POP4: variants seen among roughly 807,000 people sequenced by gnomAD.
The protein encoded by POP4 is ribonuclease P protein subunit p29.
A neutral mutation model predicts 29.9 loss-of-function variants in POP4; 31 were observed. The observed-to-expected ratio is 1.04, with a 90% CI of 0.78 to 1.40. POP4 has a LOEUF of 1.40. POP4 is among the 40% of genes most tolerant of loss of function. The pLI is 0.00. For synonymous variants in POP4, 110 were observed against 108.2 expected (o/e 1.02, Z -0.10); for missense variants, 286 against 282.7 (o/e 1.01, Z -0.08).
At chr19:29,606,580 G>A in intron 1 of POP4, 1 of 422,602 alleles carries the variant, frequency 2.4e-6, no homozygotes, top group African/African-American at 2.0e-5. Context: ...CGATGCTAGA[G>A]GAGGGTTCCA....
In POP4 at chr19:29,606,284, G is replaced by A; in HGVS notation, c.-35G>A. On this transcript the variant is annotated 5_prime_UTR_variant, in exon 1 of 7. In the 5' UTR this introduces an upstream ATG that the reference lacks. Coordinates refer to ENST00000585603, the MANE Select transcript of POP4 (RefSeq NM_006627.3). Reference sequence around the variant, plus strand: ...CGAGAGTCTGCGACAGCAGCTGCCAGTGCGTCATCAGAGAGCGCCGGAAGC... The same window carrying A: ...CGAGAGTCTGCGACAGCAGCTGCCAATGCGTCATCAGAGAGCGCCGGAAGC... The A allele has an allele frequency of 6.3e-7, 1 of 1,596,422 alleles. No homozygotes were observed. Among genetic ancestry groups the A allele is most frequent in the Non-Finnish European group, 8.5e-7 (1 of 1,172,458 alleles).
At chr19:29,610,080 G>C (rs567944894) in intron 2 of POP4, among the ~76,000 whole-genome samples, 1 of 152,342 alleles carries the variant, frequency 6.6e-6, no homozygotes, top group South Asian at 2.1e-4. Flanking sequence ...TTTCTCTTCT[G>C]CCAAGGATGA....
intron 1 of POP4, 32 bp from the exon 2 acceptor site, chr19:29,608,625 G>T: frequency 6.2e-7 from 1 of 1,605,790 alleles, no homozygotes; most frequent in South Asian, 1.1e-5. Flanking sequence ...TACCCAACAA[G>T]AATTGATCAT....
rs571823594 is a variant in POP4 at position 29,613,776 on chromosome 19, G to A, written c.425-95G>A. 99 of 1,511,270 alleles carry A rather than the reference G, an allele frequency of 6.6e-5. No homozygotes were observed. The African/African-American group carries it at 8.0e-4, about 12-fold the overall frequency. The allele number at this position is 1,511,270 out of a possible 1,614,324, so 93.6% of individuals were successfully genotyped here. ...GTTCTTTCATCTGCTAGCTCAGAGG[G>A]TGGGATCAGCACCCCCAACCCCTGA... On this transcript the variant is annotated intron_variant, in intron 5 of 6. Coordinates refer to ENST00000585603, the MANE Select transcript of POP4 (RefSeq NM_006627.3).
intron 1 of POP4, among the ~76,000 whole-genome samples, chr19:29,608,369 C>T (rs1386075109): frequency 2.7e-5 from 4 of 148,846 alleles, no homozygotes; most frequent in Non-Finnish European, 4.4e-5. Flanking sequence ...CAGGTTCCAG[C>T]GATTCTCCTG....
intron 5 of POP4, among the ~76,000 whole-genome samples, chr19:29,613,648 C>T (rs558441569): frequency 1.4e-4 from 22 of 152,314 alleles, no homozygotes; most frequent in Non-Finnish European, 1.5e-5. Context: ...CCGAAGGACA[C>T]CTCATAGGAA....
Position 29,613,771 on chromosome 19 carries a change from A to G in POP4, c.425-100A>G, listed in dbSNP as rs555233687. On this transcript the variant is annotated intron_variant, in intron 5 of 6. Coordinates refer to ENST00000585603, the MANE Select transcript of POP4 (RefSeq NM_006627.3). ...GCTCTGTTCTTTCATCTGCTAGCTC[A>G]GAGGGTGGGATCAGCACCCCCAACC... The G allele has an allele frequency of 7.2e-4, 1,086 of 1,505,140 alleles. 10 individuals carry two copies. In the African/African-American group the frequency reaches 0.014, roughly 19 times the overall value. The allele number at this position is 1,505,140 out of a possible 1,614,324, so 93.2% of individuals were successfully genotyped here. A position where few individuals can be genotyped will look rare whatever the true frequency, so the allele number is the denominator to read the frequency against.
intron 6 of POP4, 58 bp downstream of exon 6, chr19:29,614,030 A>G: frequency 6.4e-7 from 1 of 1,569,188 alleles, no homozygotes; most frequent in South Asian, 1.2e-5. Context: ...CTACTGCGTT[A>G]GCCTTTTCCT....
intron 2 of POP4, 68 bp from the exon 3 acceptor site, chr19:29,610,341 G>A (rs542518357): frequency 2.5e-5 from 35 of 1,399,118 alleles, no homozygotes; most frequent in Non-Finnish European, 3.0e-5. Flanking sequence ...AATGGCGGGC[G>A]GGATGCCTGG....
intron 5 of POP4, among the ~76,000 whole-genome samples, chr19:29,612,861 C>T (rs1243597337): frequency 6.6e-6 from 1 of 152,228 alleles, no homozygotes; most frequent in African/African-American, 2.4e-5. Flanking sequence ...AGACACAGCT[C>T]CTCACCGCAC....
chr19:29,609,461 T>C (rs1971039942), intron 2 of POP4, among the ~76,000 whole-genome samples: 1 of 152,172 alleles, frequency 6.6e-6, no homozygotes, highest in African/African-American at 2.4e-5. Context: ...ATTTAGCACC[T>C]GGCTAGTGCA....
chr19:29,611,876 T>G lies in POP4; in HGVS notation c.299T>G (p.Leu100Arg), dbSNP rs1360530644. The stretch of plus-strand genomic sequence containing the variant: ...CTTTGCTGCAGATACAGCCTTTTCC[T>G]CCCTCTCCATGAACTCTGGAAACAG... ...KPEQQRYSLF[L>R]PLHELWKQYI... is the part of the protein sequence containing the mutation. The change falls in exon 4 of 7, where the codon CTC becomes CGC. Residue 100 changes from leucine (L) to arginine (R), a missense_variant. By Grantham distance (102) the Leu-to-Arg change is moderately radical. Transcript: ENST00000585603. 23 of 1,614,104 alleles carry G rather than the reference T, an allele frequency of 1.4e-5. No individual in the cohort carries two copies. The South Asian group carries it at 2.4e-4, about 17-fold the overall frequency.
intron 5 of POP4, among the ~76,000 whole-genome samples, chr19:29,612,684 C>G (rs1375881545): frequency 6.6e-6 from 1 of 152,212 alleles, no homozygotes; most frequent in Non-Finnish European, 1.5e-5. Context: ...CTCCTCACAG[C>G]AACCCCTCCT....
intron 3 of POP4, 92 bp from the exon 4 acceptor site, chr19:29,611,767 AGTT>A (rs1341852140): frequency 2.0e-6 from 2 of 988,534 alleles, no homozygotes; most frequent in Admixed American, 1.9e-5. Flanking sequence ...CCCAGGTTGC[AGTT>A]GTTGGCATCA....
In POP4 at chr19:29,613,833, C is replaced by CAGAGGCCTGAG. The variant is rs1971099993; in HGVS notation, c.425-37_425-27dup. On this transcript the variant is annotated intron_variant, in intron 5 of 6. Transcript: ENST00000585603. ...CTTCTCTGTGGTTCCCCCAGCACCACAGAGGCCTGAGCCTGGAACTGTCCT... is the reference window on the plus strand; with the variant it reads ...CTTCTCTGTGGTTCCCCCAGCACCACAGAGGCCTGAGAGAGGCCTGAGCCTGGAACTGTCCT... The CAGAGGCCTGAG allele has an allele frequency of 3.1e-6, 5 of 1,589,886 alleles. No homozygotes were observed. The African/African-American group carries it at 5.4e-5, about 17-fold the overall frequency.
chr19:29,614,712 C>T (rs1971111456), intron 6 of POP4, among the ~76,000 whole-genome samples: 2 of 152,064 alleles, frequency 1.3e-5, no homozygotes, highest in South Asian at 4.1e-4. Flanking sequence ...CCATGTTGGA[C>T]AGGCTGGTCT....
intron 5 of POP4, 186 bp from the exon 6 acceptor site, chr19:29,613,676 AGCCCCAGGG>A: frequency 1.2e-6 from 1 of 803,972 alleles, no homozygotes; most frequent in South Asian, 2.1e-5. Context: ...GAGGCTGCAA[AGCCCCAGGG>A]GAAGCCTGGA....
chr19:29,611,966 C>T, intron 4 of POP4, 27 bp downstream of exon 4: 11 of 1,607,948 alleles, frequency 6.8e-6, no homozygotes, highest in Non-Finnish European at 9.4e-6. Context: ...AAGCTTTGCT[C>T]TTTGGGGTGG....
In POP4 at chr19:29,610,540, C is replaced by A. The variant is rs779367232; in HGVS notation, c.192C>A (p.His64Gln). The A allele has an allele frequency of 6.2e-6, 10 of 1,614,174 alleles. No individual in the cohort carries two copies. The South Asian group carries it at 1.1e-4, about 18-fold the overall frequency. The change falls in exon 3 of 7, where the codon CAC becomes CAA. Residue 64 changes from histidine to glutamine, a missense_variant. Coordinates refer to ENST00000585603, the MANE Select transcript of POP4 (RefSeq NM_006627.3). ...KAVVLEYFTR[H>Q]KRKEKKKKAK... Reference sequence around the variant, plus strand: ...TGGTCCTGGAGTACTTCACCCGCCACAAGCGCAAGGAGAAGAAGAAGAAAG... The same window carrying A: ...TGGTCCTGGAGTACTTCACCCGCCAAAAGCGCAAGGAGAAGAAGAAGAAAG...
Sources: allele counts gnomAD v4.1 joint callset (sites outside exome capture counted in the v4.1 genomes callset), GRCh38; gene constraint gnomAD v4.1.1; transcripts MANE v1.5; gene names NCBI Gene and HGNC (gene_info 2026-07-23, HGNC 2026-07-21).